Variants in FAM53B observed in about 807,000 individuals in gnomAD.
The protein encoded by FAM53B is family with sequence similarity 53 member B, also known as protein FAM53B.
Under a neutral mutation model 32.7 loss-of-function variants are expected in FAM53B, and 12 were observed. The observed-to-expected ratio is 0.37, with a 90% CI of 0.24 to 0.59. The LOEUF (loss-of-function observed/expected upper bound fraction) is 0.59, where lower values mean the gene tolerates loss of function less well. Among genes scored for constraint, FAM53B ranks in the 20% least tolerant of loss-of-function variants. The pLI, the probability that FAM53B is intolerant of heterozygous loss-of-function variation, is 0.72. For synonymous variants in FAM53B, 234 were observed against 228.7 expected (o/e 1.02, Z -0.21); for missense variants, 477 against 577.7 (o/e 0.83, Z 1.79).
chr10:124,693,199 C>T (rs1442158831), intron 3 of FAM53B, among the ~76,000 whole-genome samples: 1 of 152,070 alleles, frequency 6.6e-6, no homozygotes, highest in South Asian at 2.1e-4. Flanking sequence ...ACGCCGGGCG[C>T]GGTGGCTCAC....
At chr10:124,653,562 T>C (rs1949568904) in intron 4 of FAM53B, among the ~76,000 whole-genome samples, 1 of 152,212 alleles carries the variant, frequency 6.6e-6, no homozygotes, top group Non-Finnish European at 1.5e-5. Context: ...CACTCATCTG[T>C]AGGGCAAAGA....
intron 2 of FAM53B, among the ~76,000 whole-genome samples, chr10:124,696,927 T>G (rs998484301): frequency 3.3e-5 from 5 of 151,866 alleles, no homozygotes; most frequent in African/African-American, 1.2e-4. Flanking sequence ...CCGCCTACCC[T>G]CAACTGAATG....
At chr10:124,697,707 G>C (rs763491208) in intron 2 of FAM53B, among the ~76,000 whole-genome samples, 9 of 152,094 alleles carry the variant, frequency 5.9e-5, no homozygotes, top group Non-Finnish European at 1.2e-4. Flanking sequence ...TCCTGGGGGG[G>C]ATGCTTAGAC....
intron 1 of FAM53B, among the ~76,000 whole-genome samples, chr10:124,734,048 T>C (rs529482903): frequency 7.2e-5 from 11 of 152,356 alleles, no homozygotes; most frequent in African/African-American, 2.6e-4. Context: ...AGGTCAGCTG[T>C]CACCCCCTCC....
chr10:124,670,907 C>T (rs948576419), intron 4 of FAM53B, among the ~76,000 whole-genome samples: 6 of 152,206 alleles, frequency 3.9e-5, no homozygotes, highest in Non-Finnish European at 7.3e-5. Flanking sequence ...CCCCTTTCTG[C>T]ATTGCAGAAA....
chr10:124,631,454 G>C (rs1949390588), intron 4 of FAM53B, among the ~76,000 whole-genome samples: 1 of 152,172 alleles, frequency 6.6e-6, no homozygotes, highest in Non-Finnish European at 1.5e-5. Context: ...GCAAGCGTGG[G>C]CTCCAGCAGG....
rs1039847154 is a variant in FAM53B, at chr10:124,623,215, C to T, written c.*27G>A. ...GTGGGGGCTGTCGATGCCAGCACACCCCAGCCCTGCCTGGGCCCACACCCC... is the reference window on the plus strand; with the variant it reads ...GTGGGGGCTGTCGATGCCAGCACACTCCAGCCCTGCCTGGGCCCACACCCC... On this transcript the variant is annotated 3_prime_UTR_variant, in exon 5 of 5. Transcript: ENST00000337318. 2.6e-6 allele frequency: 4 copies of T among 1,560,946 alleles called. No individual in the cohort carries two copies. Among genetic ancestry groups the T allele is most frequent in the Non-Finnish European group, 3.5e-6 (4 of 1,151,954 alleles).
chr10:124,647,808 T>G (rs930235907), intron 4 of FAM53B, among the ~76,000 whole-genome samples: 14 of 152,270 alleles, frequency 9.2e-5, no homozygotes, highest in Admixed American at 6.5e-4. Flanking sequence ...GTCTTCGGCT[T>G]CACCAGACAC....
chr10:124,714,721 T>C (rs1167222519), intron 1 of FAM53B, among the ~76,000 whole-genome samples: 8 of 134,506 alleles, frequency 5.9e-5, no homozygotes, highest in African/African-American at 2.2e-4. Context: ...ATCGTGCCAC[T>C]GCACTCCAGC....
At chr10:124,674,514 C>G (rs988272229) in intron 4 of FAM53B, among the ~76,000 whole-genome samples, 11 of 152,204 alleles carry the variant, frequency 7.2e-5, no homozygotes, top group African/African-American at 2.2e-4. Flanking sequence ...ATGGGGCTCA[C>G]TCCATGGGCA....
intron 2 of FAM53B, among the ~76,000 whole-genome samples, chr10:124,697,237 T>C (rs1043217478): frequency 6.6e-6 from 1 of 152,024 alleles, no homozygotes; most frequent in African/African-American, 2.4e-5. Context: ...GATCATGCAA[T>C]GATGAAAGGA....
intron 4 of FAM53B, among the ~76,000 whole-genome samples, chr10:124,643,607 C>CT (rs1949490927): frequency 6.6e-6 from 1 of 152,262 alleles, no homozygotes; most frequent in Admixed American, 6.5e-5. Context: ...GTGGGCCTTT[C>CT]TCTCTCTTGT....
intron 3 of FAM53B, among the ~76,000 whole-genome samples, chr10:124,688,832 A>G (rs1010237675): frequency 6.6e-6 from 1 of 152,150 alleles, no homozygotes; most frequent in African/African-American, 2.4e-5. Context: ...TTGAAGGAAA[A>G]TTCCCAGGGC....
intron 4 of FAM53B, among the ~76,000 whole-genome samples, chr10:124,673,555 G>T (rs532767074): frequency 9.1e-4 from 139 of 152,292 alleles, no homozygotes; most frequent in African/African-American, 3.2e-3. Flanking sequence ...TTGCTCTGCT[G>T]GGTACAGCAG....
rs533462822 is a variant in FAM53B, at chr10:124,696,641, C to G, written c.79-429G>C. On this transcript the variant is annotated intron_variant, in intron 2 of 4. Transcript: ENST00000337318. ...AAGTAGGGAGCAGAGGGCCCCAGGT[C>G]CGACTCCGAGACCCCTCCCTTCCAG... Among the ~76,000 whole-genome samples the G allele has an allele frequency of 2.0e-4, 31 of 152,262 alleles. No homozygotes were observed. In the South Asian group the frequency reaches 6.4e-3, roughly 32 times the overall value.
intron 1 of FAM53B, among the ~76,000 whole-genome samples, chr10:124,737,001 G>C (rs1198524205): frequency 1.3e-5 from 2 of 152,222 alleles, no homozygotes; most frequent in African/African-American, 4.8e-5. Flanking sequence ...GCTGGGCCAA[G>C]TTCAAATCCC....
At chr10:124,668,786 G>A (rs778974904) in intron 4 of FAM53B, among the ~76,000 whole-genome samples, 15 of 152,252 alleles carry the variant, frequency 9.9e-5, no homozygotes, top group African/African-American at 2.9e-4. Context: ...AGCACGGTAC[G>A]GCACAGCCAC....
At chr10:124,625,398 C>T (rs1165955565) in intron 4 of FAM53B, among the ~76,000 whole-genome samples, 2 of 152,250 alleles carry the variant, frequency 1.3e-5, no homozygotes, top group East Asian at 1.9e-4. Context: ...GAGATGCTGG[C>T]CCCCCAAGGA....
chr10:124,689,233 G>A (rs577915222), intron 3 of FAM53B, among the ~76,000 whole-genome samples: 97 of 152,276 alleles, frequency 6.4e-4, no homozygotes, highest in Non-Finnish European at 1.0e-3. Flanking sequence ...TTCTGAAGGC[G>A]GTTTTGCTAA....
Sources: gnomAD v4.1 joint callset for allele counts (sites outside exome capture counted in the v4.1 genomes callset) on GRCh38, gnomAD v4.1.1 for gene constraint, MANE v1.5 for transcripts, NCBI Gene and HGNC (gene_info 2026-07-23, HGNC 2026-07-21) for gene names.